The following LRRC9 variants were observed in gnomAD, a reference collection of about 807,000 sequenced individuals.
The protein encoded by LRRC9 is leucine rich repeat containing 9.
A neutral mutation model predicts 63.2 loss-of-function variants in LRRC9; 122 were observed. The ratio of observed to expected loss-of-function variants is 1.93; its 90% CI spans 1.67 to 2.24. The LOEUF (loss-of-function observed/expected upper bound fraction) is 2.24. Ranked by LOEUF, LRRC9 falls within the 30% of genes most tolerant of loss-of-function variation. The pLI is 0.00. For synonymous variants in LRRC9, 366 were observed against 213.1 expected (o/e 1.72, Z -6.25); for missense variants, 1,071 against 627.7 (o/e 1.71, Z -7.55).
In LRRC9 at chr14:59,991,161, C is replaced by G. The variant is rs866169967; in HGVS notation, c.2211+5937C>G. On this transcript the variant is annotated intron_variant, in intron 17 of 31. Coordinates refer to ENST00000445360, the Ensembl canonical transcript of LRRC9. Reference sequence around the variant, plus strand: ...AAAAAGTTATGATCTAATTGAATCACTCACTTATAATTCCTATCTTTTAAG... The same window carrying G: ...AAAAAGTTATGATCTAATTGAATCAGTCACTTATAATTCCTATCTTTTAAG... Among the ~76,000 whole-genome samples, 3 of 152,296 alleles carry G rather than the reference C, an allele frequency of 2.0e-5. No individual in the cohort carries two copies. In the South Asian group the frequency reaches 6.2e-4, roughly 32 times the overall value.
In LRRC9 at chr14:59,928,011, C is replaced by A. The variant is rs775601701; in HGVS notation, c.48+20C>A. ...GAACTGGTGAGTCAAAGTCAAATTTCTTTTAAATAACATTTGCAGTAATAT... is the reference window on the plus strand; with the variant it reads ...GAACTGGTGAGTCAAAGTCAAATTTATTTTAAATAACATTTGCAGTAATAT... On this transcript the variant is annotated intron_variant, in intron 2 of 31. Coordinates refer to ENST00000445360, the Ensembl canonical transcript of LRRC9. 17 of 675,644 alleles carry A rather than the reference C, an allele frequency of 2.5e-5. No individual in the cohort carries two copies. Among genetic ancestry groups the A allele is most frequent in the South Asian group, 2.3e-4 (14 of 61,194 alleles). 41.9% of individuals were successfully genotyped at this position (675,644 alleles called of 1,614,324 possible). A position where few individuals can be genotyped will look rare whatever the true frequency, so the allele number is the denominator to read the frequency against.
intron 16 of LRRC9, among the ~76,000 whole-genome samples, chr14:59,984,097 G>A (rs1676859471): frequency 6.6e-6 from 1 of 152,174 alleles, no homozygotes; most frequent in South Asian, 2.1e-4. Context: ...TCAACAGTAT[G>A]TTAGATAGTG....
downstream of LRRC9, among the ~76,000 whole-genome samples, chr14:60,064,971 A>C (rs1894848692): frequency 6.6e-6 from 1 of 152,208 alleles, no homozygotes; most frequent in South Asian, 2.1e-4. Flanking sequence ...GCATTTTGGC[A>C]TATTTTCTTT....
At chr14:59,970,430 C>T (rs111719751) in intron 12 of LRRC9, among the ~76,000 whole-genome samples, 42 of 152,150 alleles carry the variant, frequency 2.8e-4, no homozygotes, top group African/African-American at 9.9e-4. Context: ...GATTTATATT[C>T]CTTTAGGTAT....
chr14:59,928,664 T>C (rs1412743339), intron 3 of LRRC9, among the ~76,000 whole-genome samples, 178 bp downstream of exon 3: 2 of 151,928 alleles, frequency 1.3e-5, no homozygotes, highest in Non-Finnish European at 2.9e-5. Context: ...CATAAACATA[T>C]TCTACTTTTT....
chr14:59,938,469 G>A lies in LRRC9; in HGVS notation c.623G>A (p.Cys208Tyr). The change falls in exon 7 of 32, where the codon TGT becomes TAT. Residue 208 changes from cysteine (C) to tyrosine (Y), a missense_variant. Transcript: ENST00000445360. This position sits in a 1 kb window ranked among gnomAD's most constrained non-coding sequence, Gnocchi z 4.2. ...CCTCAATATACAACCAATCCAGTTTGTCTTCTGTGTAATTATTCCACACAT... is the reference window on the plus strand; with the variant it reads ...CCTCAATATACAACCAATCCAGTTTATCTTCTGTGTAATTATTCCACACAT... 2.9e-6 allele frequency: 2 copies of A among 697,732 alleles called. No homozygotes were observed. The highest frequency in any genetic ancestry group is 1.5e-5 in the South Asian group (1 of 67,090). 43.2% of individuals were successfully genotyped at this position (697,732 alleles called of 1,614,324 possible).
chr14:59,999,288 A>T, intron 19 of LRRC9, 62 bp downstream of exon 19: 2 of 608,850 alleles, frequency 3.3e-6, no homozygotes, highest in East Asian at 5.7e-5. Context: ...TATTTTGCAT[A>T]CTCTTTTTCT....
intron 15 of LRRC9, among the ~76,000 whole-genome samples, chr14:59,981,605 T>C (rs1886935800): frequency 6.6e-6 from 1 of 152,230 alleles, no homozygotes; most frequent in Non-Finnish European, 1.5e-5. Flanking sequence ...CTCTTCACTG[T>C]TATGAAATAT....
At chr14:59,979,418 A>C (rs1294649901) in intron 15 of LRRC9, among the ~76,000 whole-genome samples, 1 of 152,086 alleles carries the variant, frequency 6.6e-6, no homozygotes, top group African/African-American at 2.4e-5. Flanking sequence ...GGGGATCGAG[A>C]CCATCCTGGC....
chr14:60,030,583 A>T (rs898473535), intron 28 of LRRC9, among the ~76,000 whole-genome samples: 3 of 152,000 alleles, frequency 2.0e-5, no homozygotes, highest in African/African-American at 4.8e-5. Context: ...AAAGGCCCCA[A>T]TCCAGGCACA....
At chr14:60,018,047 T>G (rs1261074239) in intron 24 of LRRC9, among the ~76,000 whole-genome samples, 1 of 152,114 alleles carries the variant, frequency 6.6e-6, no homozygotes, top group Non-Finnish European at 1.5e-5. Flanking sequence ...TATGATTTCA[T>G]AAACATATAT....
intron 1 of LRRC9, among the ~76,000 whole-genome samples, chr14:59,925,900 T>G (rs1889168086): frequency 6.6e-6 from 1 of 152,154 alleles, no homozygotes; most frequent in Non-Finnish European, 1.5e-5. Flanking sequence ...TGGACATAAT[T>G]GAATCATGGG....
chr14:59,925,672 C>T (rs1437372081), intron 1 of LRRC9, among the ~76,000 whole-genome samples: 1 of 152,194 alleles, frequency 6.6e-6, no homozygotes, highest in Non-Finnish European at 1.5e-5. Context: ...TTTTCTGGTG[C>T]ATTTCTCAAA....
chr14:59,957,846 G>A (rs1479131244), intron 8 of LRRC9, among the ~76,000 whole-genome samples: 6 of 152,092 alleles, frequency 3.9e-5, no homozygotes, highest in African/African-American at 1.4e-4. Context: ...TCTTGATCTT[G>A]TTGCTTTCTG....
chr14:60,051,305 C>T lies in LRRC9; in HGVS notation c.3991-1760C>T, dbSNP rs1893870928. Reference sequence around the variant, plus strand: ...GACTCCAGGCCCCCCACAAGGGGGCCCCGCCCAGTGAGGAAGAATGGATCA... The same window carrying T: ...GACTCCAGGCCCCCCACAAGGGGGCTCCGCCCAGTGAGGAAGAATGGATCA... On this transcript the variant is annotated intron_variant, in intron 29 of 31. Transcript: ENST00000445360. This position sits in a 1 kb window ranked among gnomAD's most constrained non-coding sequence, Gnocchi z 4.7. Among the ~76,000 whole-genome samples the T allele has an allele frequency of 6.6e-6, 1 of 152,130 alleles. No individual in the cohort carries two copies. The highest frequency in any genetic ancestry group is 1.5e-5 in the Non-Finnish European group (1 of 68,000).
intron 10 of LRRC9, among the ~76,000 whole-genome samples, chr14:59,963,955 G>A (rs1594885753): frequency 6.6e-6 from 1 of 152,124 alleles, no homozygotes; most frequent in African/African-American, 2.4e-5. Flanking sequence ...GCACATTATT[G>A]TATATTAACA....
chr14:59,975,887 C>T (rs1183332715), intron 13 of LRRC9, among the ~76,000 whole-genome samples: 1 of 152,132 alleles, frequency 6.6e-6, no homozygotes, highest in Non-Finnish European at 1.5e-5. Context: ...CAGTTTGTGG[C>T]CTGTTAGGAA....
intron 7 of LRRC9, among the ~76,000 whole-genome samples, chr14:59,939,721 T>A (rs951786127): frequency 1.5e-4 from 23 of 151,962 alleles, no homozygotes; most frequent in African/African-American, 5.6e-4. Flanking sequence ...AAGAGTAAGT[T>A]GCTATTTGAC....
At chr14:59,943,956 A>G (rs967314784) in intron 7 of LRRC9, among the ~76,000 whole-genome samples, 1 of 151,948 alleles carries the variant, frequency 6.6e-6, no homozygotes, top group African/African-American at 2.4e-5. Context: ...AGTTCTTTTT[A>G]ACTAACATAA....
Sources: gnomAD v4.1 joint callset for allele counts (sites outside exome capture counted in the v4.1 genomes callset) on GRCh38, gnomAD v4.1.1 for gene constraint, Gnocchi (gnomAD v3.1) non-coding constraint, MANE v1.5 for transcripts, NCBI Gene and HGNC (gene_info 2026-07-23, HGNC 2026-07-21) for gene names.